The following ACAA2 variants were observed in gnomAD, a reference collection of about 807,000 sequenced individuals.
ACAA2 encodes the protein acetyl-CoA acyltransferase 2, also known as 3-ketoacyl-CoA thiolase, mitochondrial.
In ACAA2, 35 loss-of-function variants were observed where a neutral mutation model predicts 44.8. The ratio of observed to expected loss-of-function variants is 0.78; its 90% CI spans 0.60 to 1.04. The LOEUF (loss-of-function observed/expected upper bound fraction) is 1.04. Ranked by LOEUF, ACAA2 falls within the 50% of genes least tolerant of loss-of-function variation. The probability of loss-of-function intolerance (pLI) is 0.00; values close to 1 mark genes in which losing one functional copy is unlikely to be tolerated. For missense variants in ACAA2, 468 were observed against 482.6 expected, an observed-to-expected ratio of 0.97 and a Z score of 0.28; for synonymous variants, 142 against 166.5, an observed-to-expected ratio of 0.85 and a Z score of 1.13.
chr18:49,802,895 T>G (rs140923445), intron 1 of ACAA2, 42 bp from the exon 2 acceptor site: 14 of 1,580,484 alleles, frequency 8.9e-6, no homozygotes, highest in Non-Finnish European at 7.0e-6. Flanking sequence ...CACAGGTTAG[T>G]AAATACCTCT....
rs74176744 is a variant in ACAA2, at chr18:49,802,560, C to CAAAAAA, written c.183+121_183+126dup. ...CTGGCGGCAGAGCGAGACTCCATCT[C>CAAAAAA]AAAAAAAAAAAAAAAAAGTCTATAA... On this transcript the variant is annotated intron_variant, in intron 2 of 9. Coordinates refer to ENST00000285093, the MANE Select transcript of ACAA2 (RefSeq NM_006111.3). The CAAAAAA allele has an allele frequency of 1.0e-4, 62 of 594,216 alleles. 1 individual carries two copies. The highest frequency in any genetic ancestry group is 7.7e-4 in the African/African-American group (31 of 40,394). The allele number at this position is 594,216 out of a possible 1,614,324, so 36.8% of individuals were successfully genotyped here.
At chr18:49,809,236 A>G (rs1258721143) in intron 1 of ACAA2, among the ~76,000 whole-genome samples, 1 of 152,184 alleles carries the variant, frequency 6.6e-6, no homozygotes, top group East Asian at 1.9e-4. Flanking sequence ...AGGTGCACTG[A>G]TTTCATATTG....
chr18:49,791,402 C>T (rs2023396932), intron 7 of ACAA2, 68 bp downstream of exon 7: 1 of 1,530,752 alleles, frequency 6.5e-7, no homozygotes, highest in Non-Finnish European at 8.9e-7. Context: ...TTTTTCAGGA[C>T]TCTGAATGCC....
chr18:49,804,364 G>C (rs1043568171), intron 1 of ACAA2, among the ~76,000 whole-genome samples: 5 of 152,102 alleles, frequency 3.3e-5, no homozygotes, highest in African/African-American at 1.2e-4. Flanking sequence ...GATGACTCAA[G>C]TTACAGACTT....
At chr18:49,802,365 C>A (rs1303611066) in intron 2 of ACAA2, among the ~76,000 whole-genome samples, 3 of 151,884 alleles carry the variant, frequency 2.0e-5, no homozygotes, top group Non-Finnish European at 2.9e-5. Flanking sequence ...AGATCGAGAC[C>A]ATCCTGGCCA....
chr18:49,792,372 C>T, intron 5 of ACAA2, 45 bp from the exon 6 acceptor site: 1 of 1,485,878 alleles, frequency 6.7e-7, no homozygotes, highest in Non-Finnish European at 9.3e-7. Context: ...AAGAGAGAAA[C>T]ATGAAAATAA....
intron 8 of ACAA2, 137 bp downstream of exon 8, chr18:49,787,154 T>A: frequency 1.7e-6 from 1 of 597,040 alleles, no homozygotes. Context: ...TACTATTTAT[T>A]TAGATGTACA....
intron 1 of ACAA2, among the ~76,000 whole-genome samples, chr18:49,812,488 A>G (rs1356399975): frequency 6.6e-6 from 1 of 152,058 alleles, no homozygotes; most frequent in Non-Finnish European, 1.5e-5. Context: ...ACTTTCTATC[A>G]AATCCACCTC....
Position 49,788,256 on chromosome 18 carries a change from A to C in ACAA2, c.884-895T>G, listed in dbSNP as rs561302352. Among the ~76,000 whole-genome samples the C allele has an allele frequency of 6.6e-5, 10 of 152,232 alleles. 1 individual carries two copies. The highest frequency in any genetic ancestry group is 1.5e-4 in the Non-Finnish European group (10 of 68,032). On this transcript the variant is annotated intron_variant, in intron 7 of 9. Coordinates refer to ENST00000285093, the MANE Select transcript of ACAA2 (RefSeq NM_006111.3). ...TTGTTCTTAAAGAATGAAACTGCCA[A>C]AAATGTCTACAAAGAAAAATATGTA...
intron 1 of ACAA2, chr18:49,812,828 T>C (rs1319748984): frequency 6.6e-6 from 1 of 152,188 alleles, no homozygotes; most frequent in African/African-American, 2.4e-5. Context: ...TCCACCTCAA[T>C]GTTCTTCGAC....
Position 49,791,583 on chromosome 18 carries a change from G to T in ACAA2, c.770C>A (p.Ala257Asp), listed in dbSNP as rs1266455463. Residue 257 changes from alanine (A) to aspartate (D), a missense_variant, in exon 7 of 10, where the codon GCT becomes GAT. Coordinates refer to ENST00000285093, the MANE Select transcript of ACAA2 (RefSeq NM_006111.3). ...AGNASGVADG[A>D]GAVIIASEDA... ...TTCACTAGCTATGATAACAGCTCCAGCACCATCAGCTACACCCTTGAAAAT... is the reference window on the plus strand; with the variant it reads ...TTCACTAGCTATGATAACAGCTCCATCACCATCAGCTACACCCTTGAAAAT... 3 of 1,613,290 alleles carry T rather than the reference G, an allele frequency of 1.9e-6. No individual in the cohort carries two copies. The highest frequency in any genetic ancestry group is 2.5e-6 in the Non-Finnish European group (3 of 1,179,786).
At chr18:49,791,844 G>A (rs953956491) in intron 6 of ACAA2, among the ~76,000 whole-genome samples, 5 of 151,980 alleles carry the variant, frequency 3.3e-5, no homozygotes, top group Admixed American at 2.0e-4. Flanking sequence ...GTGAGTAGAT[G>A]TAAGAAGAAA....
chr18:49,809,249 C>T (rs575571753), intron 1 of ACAA2, among the ~76,000 whole-genome samples: 25 of 152,184 alleles, frequency 1.6e-4, no homozygotes, highest in Non-Finnish European at 3.4e-4. Context: ...TCATATTGCT[C>T]AAACACACGT....
chr18:49,788,242 G>T (rs1328614080), intron 7 of ACAA2, among the ~76,000 whole-genome samples: 1 of 152,120 alleles, frequency 6.6e-6, no homozygotes, highest in Non-Finnish European at 1.5e-5. Context: ...TGTTCTTAAA[G>T]AATGAAACTG....
In ACAA2 at chr18:49,791,461, T is replaced by C. The variant is rs1323661860; in HGVS notation, c.883+9A>G. 3 of 1,609,064 alleles carry C rather than the reference T, an allele frequency of 1.9e-6. No homozygotes were observed. The highest frequency in any genetic ancestry group is 2.5e-6 in the Non-Finnish European group (3 of 1,177,978). ...ATTATAGAACCAGTTTGTTTTACTA[T>C]AAACTTACCAATACCCATGATAGAG... On this transcript the variant is annotated intron_variant, in intron 7 of 9. Coordinates refer to ENST00000285093, the MANE Select transcript of ACAA2 (RefSeq NM_006111.3).
At chr18:49,791,128 A>G (rs552318450) in intron 7 of ACAA2, among the ~76,000 whole-genome samples, 51 of 152,314 alleles carry the variant, frequency 3.3e-4, no homozygotes, top group African/African-American at 1.2e-3. Context: ...CTCCCATCTC[A>G]TAATTTCTTT....
chr18:49,803,239 A>AAAAAATAATAAT (rs1555790916), intron 1 of ACAA2, among the ~76,000 whole-genome samples: 1 of 142,402 alleles, frequency 7.0e-6, no homozygotes, highest in Non-Finnish European at 1.5e-5. Flanking sequence ...CTGGTAGTTA[A>AAAAAATAATAAT]AATAATAATA....
Position 49,795,745 on chromosome 18 carries a change from T to A in ACAA2, c.429+20A>T. 2 of 1,468,860 alleles carry A rather than the reference T, an allele frequency of 1.4e-6. No individual in the cohort carries two copies. The highest frequency in any genetic ancestry group is 1.9e-6 in the Non-Finnish European group (2 of 1,076,248). 91.0% of individuals were successfully genotyped at this position (1,468,860 alleles called of 1,614,324 possible). A position where few individuals can be genotyped will look rare whatever the true frequency, so the allele number is the denominator to read the frequency against. The stretch of plus-strand genomic sequence containing the variant: ...TAATGCTAATAAGAACTAATTCTTT[T>A]AAATTTTTATGGTTCCAACCTTGAT... On this transcript the variant is annotated intron_variant, in intron 4 of 9. Coordinates refer to ENST00000285093, the MANE Select transcript of ACAA2 (RefSeq NM_006111.3).
intron 5 of ACAA2, 58 bp downstream of exon 5, chr18:49,794,222 A>C: frequency 1.0e-5 from 13 of 1,277,446 alleles, no homozygotes; most frequent in Non-Finnish European, 1.3e-5. Context: ...AGAAATGATG[A>C]AAATATTTCC....
Sources: allele counts gnomAD v4.1 joint callset (sites outside exome capture counted in the v4.1 genomes callset), GRCh38; gene constraint gnomAD v4.1.1; transcripts MANE v1.5; gene names NCBI Gene and HGNC (gene_info 2026-07-23, HGNC 2026-07-21).